LRGUK: variants seen among roughly 807,000 people sequenced by gnomAD.
LRGUK encodes the protein leucine-rich repeat and guanylate kinase domain-containing protein.
LRGUK carries 65 observed loss-of-function variants against 76.0 expected under a neutral mutation model. That is an observed-to-expected ratio of 0.85 (90% CI 0.70 to 1.05). The LOEUF (loss-of-function observed/expected upper bound fraction) is 1.05. LRGUK is among the 50% of genes least tolerant of loss of function. LRGUK has a pLI of 0.00. For synonymous variants in LRGUK, 268 were observed against 265.6 expected (o/e 1.01, Z -0.09); for missense variants, 758 against 732.8 (o/e 1.03, Z -0.40).
chr7:134,134,807 G>A lies in LRGUK; in HGVS notation c.298-2216G>A, dbSNP rs1244736011. On this transcript the variant is annotated intron_variant, in intron 1 of 15. Transcript: ENST00000645682. ...TTTGTGAACAGCCTGATTGGCATAG[G>A]TGAGTGAAACATTACGATGTGGAAT... is the stretch of plus-strand genomic sequence containing the variant. 2.0e-5 allele frequency among the ~76,000 whole-genome samples: 3 copies of A among 152,206 alleles called. No individual in the cohort carries two copies. The East Asian group carries it at 5.8e-4, about 29-fold the overall frequency.
At chr7:134,200,474 A>C (rs1381484575) in intron 14 of LRGUK, among the ~76,000 whole-genome samples, 1 of 152,194 alleles carries the variant, frequency 6.6e-6, no homozygotes, top group Non-Finnish European at 1.5e-5. Flanking sequence ...AGTATGCCAT[A>C]ATTTATGTAA....
chr7:134,256,908 C>A (rs1181567055), intron 18 of LRGUK, among the ~76,000 whole-genome samples: 1 of 152,160 alleles, frequency 6.6e-6, no homozygotes, highest in Non-Finnish European at 1.5e-5. Context: ...CCTGAACCTC[C>A]TCAGTGTTAG....
chr7:134,225,250 G>C (rs963495100), intron 16 of LRGUK, among the ~76,000 whole-genome samples: 1 of 152,050 alleles, frequency 6.6e-6, no homozygotes, highest in African/African-American at 2.4e-5. Context: ...AAGGCAGTGT[G>C]AGAGTGGAAG....
chr7:134,203,142 G>T (rs1442608998), intron 15 of LRGUK, among the ~76,000 whole-genome samples: 4 of 152,070 alleles, frequency 2.6e-5, no homozygotes, highest in Admixed American at 2.0e-4. Context: ...GTAGGAGGTT[G>T]CAGCAAGCCA....
intron 15 of LRGUK, 87 bp from the exon 16 acceptor site, chr7:134,221,692 G>T (rs2117154127): frequency 2.9e-6 from 3 of 1,046,836 alleles, no homozygotes; most frequent in East Asian, 3.0e-5. Context: ...TGTTATGTTT[G>T]GGCAAATAAA....
intron 9 of LRGUK, among the ~76,000 whole-genome samples, chr7:134,177,975 A>T (rs1799551940): frequency 6.6e-6 from 1 of 152,214 alleles, no homozygotes; most frequent in Admixed American, 6.5e-5. Flanking sequence ...TATGAAGAAA[A>T]GGCCCATATC....
intron 16 of LRGUK, among the ~76,000 whole-genome samples, chr7:134,246,500 T>C (rs1284622367): frequency 6.6e-6 from 1 of 152,244 alleles, no homozygotes; most frequent in East Asian, 1.9e-4. Flanking sequence ...CACTTGAAAC[T>C]ATGCTAGCCC....
intron 10 of LRGUK, among the ~76,000 whole-genome samples, chr7:134,179,963 T>C (rs1025075760): frequency 6.6e-6 from 1 of 152,162 alleles, no homozygotes; most frequent in African/African-American, 2.4e-5. Context: ...ATGCTGCCAT[T>C]ACTGGGGAAT....
chr7:134,128,375 A>G (rs1021960649), intron 1 of LRGUK, among the ~76,000 whole-genome samples: 2 of 152,138 alleles, frequency 1.3e-5, no homozygotes, highest in Non-Finnish European at 2.9e-5. Flanking sequence ...TTTCTACAAT[A>G]TCTCTTCTGA....
intron 11 of LRGUK, among the ~76,000 whole-genome samples, chr7:134,184,916 G>A (rs532459342): frequency 3.3e-5 from 5 of 152,338 alleles, no homozygotes; most frequent in Admixed American, 6.5e-5. Flanking sequence ...ATGAATCACC[G>A]TGTTGTGATG....
At chr7:134,228,057 G>A (rs1342016261) in intron 16 of LRGUK, among the ~76,000 whole-genome samples, 2 of 152,018 alleles carry the variant, frequency 1.3e-5, no homozygotes, top group Non-Finnish European at 2.9e-5. Context: ...TATTTGTTTT[G>A]AAATCATATT....
chr7:134,205,592 G>A (rs1243745733), intron 15 of LRGUK, among the ~76,000 whole-genome samples: 1 of 152,172 alleles, frequency 6.6e-6, no homozygotes, highest in African/African-American at 2.4e-5. Flanking sequence ...TAATTGAGCT[G>A]TCAAAAGGAA....
intron 14 of LRGUK, among the ~76,000 whole-genome samples, chr7:134,200,898 G>A (rs1344219381): frequency 6.8e-6 from 1 of 146,100 alleles, no homozygotes; most frequent in Non-Finnish European, 1.5e-5. Flanking sequence ...GAAGGCTCTG[G>A]GGATAAGTCC....
chr7:134,210,416 A>T (rs1801207656), downstream of LRGUK, among the ~76,000 whole-genome samples: 1 of 152,178 alleles, frequency 6.6e-6, no homozygotes, highest in South Asian at 2.1e-4. Flanking sequence ...AAGGACCCAT[A>T]CCAACCTCCC....
In LRGUK at chr7:134,162,891, C is replaced by T. The variant is rs192478054; in HGVS notation, c.796-506C>T. 1.7e-3 allele frequency among the ~76,000 whole-genome samples: 254 copies of T among 147,616 alleles called. 1 individual carries two copies. Among genetic ancestry groups the T allele is most frequent in the African/African-American group, 6.0e-3 (241 of 39,862 alleles). ...GCCCAAGGGCAGGAATAACTGGGGG[C>T]ATGGCTCATTGGAGAATGCTAATAT... is the stretch of plus-strand genomic sequence containing the variant. On this transcript the variant is annotated intron_variant, in intron 6 of 15. Coordinates refer to ENST00000645682, the Ensembl canonical transcript of LRGUK.
chr7:134,144,084 GCTT>G (rs1437281004), intron 4 of LRGUK, among the ~76,000 whole-genome samples: 7 of 152,180 alleles, frequency 4.6e-5, no homozygotes, highest in Non-Finnish European at 1.0e-4. Flanking sequence ...TGGGCTTTGG[GCTT>G]CTTATTTTCA....
At chr7:134,177,340 G>T (rs976544572) in intron 9 of LRGUK, among the ~76,000 whole-genome samples, 1 of 152,168 alleles carries the variant, frequency 6.6e-6, no homozygotes, top group African/African-American at 2.4e-5. Flanking sequence ...CACTTATATA[G>T]GTCGCAGCTT....
chr7:134,183,775 T>TA lies in LRGUK; in HGVS notation c.1257dup (p.Ala420SerfsTer4). The TA allele has an allele frequency of 6.2e-7, 1 of 1,614,058 alleles. No homozygotes were observed. Among genetic ancestry groups the TA allele is most frequent in the Non-Finnish European group, 8.5e-7 (1 of 1,179,908 alleles). On this transcript the variant is annotated frameshift_variant, in exon 11 of 16. Coordinates refer to ENST00000645682, the Ensembl canonical transcript of LRGUK. LOFTEE classifies it high-confidence loss of function. ...GATGCCCCTTATCCCATGCTGATAC[T>TA]AGCTGGTCCTGAAGCTTGTGGGAAA...
downstream of LRGUK, among the ~76,000 whole-genome samples, chr7:134,210,770 C>G (rs1801232567): frequency 6.6e-6 from 1 of 152,192 alleles, no homozygotes; most frequent in Non-Finnish European, 1.5e-5. Flanking sequence ...GGGGAGAGGT[C>G]AGGCCAGAGA....
Sources: allele counts gnomAD v4.1 joint callset (sites outside exome capture counted in the v4.1 genomes callset), GRCh38; gene constraint gnomAD v4.1.1; transcripts MANE v1.5; gene names NCBI Gene and HGNC (gene_info 2026-07-23, HGNC 2026-07-21).